PPHLN1: variants seen among roughly 807,000 people sequenced by gnomAD.
PPHLN1 encodes the protein periphilin 1.
In PPHLN1, 29 loss-of-function variants were observed where a neutral mutation model predicts 51.3. The observed-to-expected ratio is 0.57, with a 90% CI of 0.42 to 0.77. PPHLN1 has a LOEUF of 0.77. PPHLN1 is among the 30% of genes least tolerant of loss of function. The probability of loss-of-function intolerance (pLI) is 0.00; values close to 1 mark genes in which losing one functional copy is unlikely to be tolerated. For missense variants in PPHLN1, 436 were observed against 438.4 expected, an observed-to-expected ratio of 0.99 and a Z score of 0.05; for synonymous variants, 147 against 147.8, an observed-to-expected ratio of 0.99 and a Z score of 0.04.
At chr12:42,447,248 G>A (rs1157117092), downstream of PPHLN1, 1 of 152,100 alleles carries the variant, frequency 6.6e-6, no homozygotes, top group Non-Finnish European at 1.5e-5. Context: ...TTTTTTATAG[G>A]CCCATATGCT....
chr12:42,383,993 A>AAAAAAAAAAAAAAAAAAAAAAAAAC, intron 5 of PPHLN1, among the ~76,000 whole-genome samples: 1 of 113,948 alleles, frequency 8.8e-6, no homozygotes, highest in African/African-American at 4.1e-5. Flanking sequence ...CAAAAAAAAA[A>AAAAAAAAAAAAAAAAAAAAAAAAAC]AAAAAAAAAA....
intron 9 of PPHLN1, among the ~76,000 whole-genome samples, chr12:42,424,414 T>G (rs2081254298): frequency 6.6e-6 from 1 of 152,216 alleles, no homozygotes; most frequent in Admixed American, 6.5e-5. Context: ...TTTCCCCACC[T>G]TCCTGCCATC....
intron 4 of PPHLN1, among the ~76,000 whole-genome samples, chr12:42,363,110 G>GA (rs1469013667): frequency 6.6e-6 from 1 of 152,122 alleles, no homozygotes; most frequent in African/African-American, 2.4e-5. Context: ...GCTATGCTAT[G>GA]AGTGATAAAG....
chr12:42,378,685 T>C (rs2076513651), intron 5 of PPHLN1, among the ~76,000 whole-genome samples: 1 of 152,190 alleles, frequency 6.6e-6, no homozygotes, highest in Non-Finnish European at 1.5e-5. Context: ...GTGATTTTAC[T>C]ACATTTTTAA....
At chr12:42,395,888 A>G (rs921023827) in intron 8 of PPHLN1, among the ~76,000 whole-genome samples, 1 of 152,164 alleles carries the variant, frequency 6.6e-6, no homozygotes, top group African/African-American at 2.4e-5. Context: ...GTTCTAAGCA[A>G]TTTGTTTGGG....
At chr12:42,433,125 T>G (rs1027738651) in intron 9 of PPHLN1, 4 of 775,790 alleles carry the variant, frequency 5.2e-6, no homozygotes, top group Non-Finnish European at 9.6e-6. Context: ...TATTTCATTG[T>G]AAGTAGCGTC....
chr12:42,354,796 A>G (rs547886205), intron 3 of PPHLN1, among the ~76,000 whole-genome samples: 44 of 152,314 alleles, frequency 2.9e-4, no homozygotes, highest in Middle Eastern at 3.4e-3. Flanking sequence ...GAAACTGAAA[A>G]TTGGTGAGAG....
chr12:42,387,849 C>G (rs1394540296), intron 7 of PPHLN1, among the ~76,000 whole-genome samples: 1 of 152,150 alleles, frequency 6.6e-6, no homozygotes, highest in Non-Finnish European at 1.5e-5. Context: ...GTAACTTTGC[C>G]CCAACCTTGA....
At chr12:42,333,251 CAAAAT>C (rs1346783011) in intron 1 of PPHLN1, among the ~76,000 whole-genome samples, 1 of 152,004 alleles carries the variant, frequency 6.6e-6, no homozygotes, top group African/African-American at 2.4e-5. Flanking sequence ...AAAAGGAATA[CAAAAT>C]ATTCCTTTTG....
At chr12:42,405,748 C>T (rs2139422446) in intron 9 of PPHLN1, among the ~76,000 whole-genome samples, 1 of 152,202 alleles carries the variant, frequency 6.6e-6, no homozygotes, top group South Asian at 2.1e-4. Context: ...TTTAATCCCT[C>T]AATTACTGGA....
At chr12:42,396,034 C>T (rs1320968895) in intron 8 of PPHLN1, among the ~76,000 whole-genome samples, 1 of 151,852 alleles carries the variant, frequency 6.6e-6, no homozygotes, top group East Asian at 1.9e-4. Flanking sequence ...ACAGCATTTC[C>T]CAAGGTATTT....
rs879144536 is a variant in PPHLN1 at position 42,431,785 on chromosome 12, G to A, written c.910-9530G>A. ...ATGTCATTGCCAGAAGCACTAGTCG[G>A]GCTATTTATTGCCTTTTCTGAAGGA... On this transcript the variant is annotated intron_variant, in intron 9 of 9. Coordinates refer to ENST00000358314, the MANE Select transcript of PPHLN1 (RefSeq NM_201439.2). The A allele has an allele frequency of 1.6e-5, 17 of 1,092,636 alleles. No homozygotes were observed. In the South Asian group the frequency reaches 2.1e-4, roughly 14 times the overall value. The allele number at this position is 1,092,636 out of a possible 1,614,324, so 67.7% of individuals were successfully genotyped here.
At chr12:42,423,308 A>G (rs2081161094) in intron 9 of PPHLN1, among the ~76,000 whole-genome samples, 1 of 152,142 alleles carries the variant, frequency 6.6e-6, no homozygotes, top group Non-Finnish European at 1.5e-5. Flanking sequence ...TAATGCCTTC[A>G]GAGATAAAAG....
At chr12:42,446,912 T>C (rs61924360), downstream of PPHLN1, 57,406 of 357,828 alleles carry the variant, frequency 0.16, 4,794 homozygotes, top group Admixed American at 0.21. Context: ...CCTCCGGAAA[T>C]CATGCAAGAC....
intron 1 of PPHLN1, chr12:42,332,784 A>G (rs536761738): frequency 4.0e-6 from 3 of 741,148 alleles, no homozygotes; most frequent in Middle Eastern, 4.2e-4. Context: ...ATATTTCAGT[A>G]TTAAACTACA....
chr12:42,385,196 G>A (rs1020253195), intron 6 of PPHLN1, among the ~76,000 whole-genome samples, 200 bp downstream of exon 6: 1 of 152,202 alleles, frequency 6.6e-6, no homozygotes. Flanking sequence ...GATGGGAATA[G>A]CCATTCTGTA....
chr12:42,370,191 G>A (rs111747031), intron 4 of PPHLN1, among the ~76,000 whole-genome samples: 1 of 152,328 alleles, frequency 6.6e-6, no homozygotes, highest in African/African-American at 2.4e-5. Context: ...GCCTTATGCA[G>A]AATCCTGAGT....
chr12:42,373,078 C>A (rs886698796), intron 4 of PPHLN1, among the ~76,000 whole-genome samples: 10 of 152,182 alleles, frequency 6.6e-5, no homozygotes, highest in Non-Finnish European at 1.5e-4. Flanking sequence ...TCTCTACATC[C>A]ATTCTTGACT....
intron 2 of PPHLN1, among the ~76,000 whole-genome samples, chr12:42,348,767 T>C (rs1417623719): frequency 6.6e-6 from 1 of 152,172 alleles, no homozygotes; most frequent in African/African-American, 2.4e-5. Context: ...TGACAAATTT[T>C]CAATTAGAAA....
Sources: gnomAD v4.1 joint callset for allele counts (sites outside exome capture counted in the v4.1 genomes callset) on GRCh38, gnomAD v4.1.1 for gene constraint, MANE v1.5 for transcripts, NCBI Gene and HGNC (gene_info 2026-07-23, HGNC 2026-07-21) for gene names.